The following PDE4D variants were observed in gnomAD, a reference collection of about 807,000 sequenced individuals.
PDE4D encodes the protein 3',5'-cyclic-AMP phosphodiesterase 4D.
Under a neutral mutation model 87.4 loss-of-function variants are expected in PDE4D, and 24 were observed. The observed-to-expected ratio is 0.27, with a 90% CI of 0.20 to 0.39. The LOEUF (loss-of-function observed/expected upper bound fraction) is 0.39, where lower values mean the gene tolerates loss of function less well. PDE4D is among the 10% of genes least tolerant of loss of function. The pLI is 1.00. For missense variants in PDE4D, 714 were observed against 1,041.0 expected (o/e 0.69, Z 4.32); for synonymous variants, 384 against 383.2 (o/e 1.00, Z -0.02).
intron 2 of PDE4D, among the ~76,000 whole-genome samples, chr5:60,116,545 C>A (rs1778186262): frequency 6.6e-6 from 1 of 151,942 alleles, no homozygotes; most frequent in Non-Finnish European, 1.5e-5. Flanking sequence ...ATTCTTAATT[C>A]TGTCAGCTTT....
At chr5:59,216,069 CAGGAA>C in intron 1 of PDE4D, 101 bp from the exon 2 acceptor site, 1 of 769,164 alleles carries the variant, frequency 1.3e-6, no homozygotes, top group Non-Finnish European at 2.1e-6. Context: ...GTGGAATTAG[CAGGAA>C]TGAAAATTAC....
At chr5:59,084,845 T>C (rs927696419) in intron 5 of PDE4D, among the ~76,000 whole-genome samples, 31 of 152,174 alleles carry the variant, frequency 2.0e-4, no homozygotes, top group Admixed American at 1.9e-3. Context: ...TTTAATATTC[T>C]TGAAGCTAAA....
intron 2 of PDE4D, among the ~76,000 whole-genome samples, chr5:60,067,980 CTTAAG>C (rs1461363316): frequency 2.0e-5 from 3 of 152,166 alleles, no homozygotes; most frequent in Non-Finnish European, 4.4e-5. Flanking sequence ...TCAATAGACA[CTTAAG>C]TTGTTTCTAA....
chr5:59,323,185 T>C (rs1775025752), intron 1 of PDE4D, among the ~76,000 whole-genome samples: 1 of 152,148 alleles, frequency 6.6e-6, no homozygotes, highest in East Asian at 1.9e-4. Context: ...CCCATCTGTC[T>C]AATCTTTTTA....
At chr5:60,303,898 A>G (rs1754181031) in intron 1 of PDE4D, 1 of 152,148 alleles carries the variant, frequency 6.6e-6, no homozygotes. Flanking sequence ...TGAGGTGTTA[A>G]AATCTTCTAC....
intron 1 of PDE4D, among the ~76,000 whole-genome samples, chr5:60,357,851 T>A (rs1420170675): frequency 6.6e-6 from 1 of 152,178 alleles, no homozygotes. Context: ...TCATACATCC[T>A]CAAATACTGA....
chr5:59,603,858 A>G, intron 1 of PDE4D, among the ~76,000 whole-genome samples: 1 of 152,032 alleles, frequency 6.6e-6, no homozygotes, highest in East Asian at 1.9e-4. Flanking sequence ...GATTCTAGTC[A>G]ATAACAATAT....
In PDE4D at chr5:60,432,234, T is replaced by G. The variant is rs142366035; in HGVS notation, c.-90+55708A>C. Among the ~76,000 whole-genome samples the G allele has an allele frequency of 5.3e-3, 812 of 152,312 alleles. 6 individuals are homozygous for G. Among genetic ancestry groups the G allele is most frequent in the African/African-American group, 0.019 (790 of 41,562 alleles). Reference sequence around the variant, plus strand: ...AAGTTTTTACGTTGTTGTTATGTCTTTGCTTTGTCTTTGCCAGGATGATGC... The same window carrying G: ...AAGTTTTTACGTTGTTGTTATGTCTGTGCTTTGTCTTTGCCAGGATGATGC... On this transcript the variant is annotated intron_variant, in intron 1 of 16. Coordinates refer to the PDE4D transcript ENST00000502484.
At chr5:59,769,708 T>C (rs1443371848) in intron 1 of PDE4D, among the ~76,000 whole-genome samples, 1 of 152,200 alleles carries the variant, frequency 6.6e-6, no homozygotes, top group Non-Finnish European at 1.5e-5. Context: ...AACCTTTGCA[T>C]AGGGAAGTTC....
chr5:59,070,499 A>T (rs1359199970), intron 5 of PDE4D, among the ~76,000 whole-genome samples: 2 of 152,138 alleles, frequency 1.3e-5, no homozygotes, highest in African/African-American at 4.8e-5. Flanking sequence ...TTGCTTATTG[A>T]TACTTCATAG....
intron 1 of PDE4D, among the ~76,000 whole-genome samples, chr5:59,666,715 G>A (rs1746133552): frequency 6.6e-6 from 1 of 152,152 alleles, no homozygotes; most frequent in African/African-American, 2.4e-5. Context: ...ATTGTAAAAG[G>A]TCCTAGCAAT....
intron 1 of PDE4D, among the ~76,000 whole-genome samples, chr5:59,297,008 G>C (rs1769233030): frequency 6.6e-6 from 1 of 152,050 alleles, no homozygotes; most frequent in Non-Finnish European, 1.5e-5. Context: ...ATCCAACACA[G>C]GGCTCACTGT....
chr5:60,044,712 G>A (rs369334048), intron 2 of PDE4D, among the ~76,000 whole-genome samples: 5 of 152,128 alleles, frequency 3.3e-5, no homozygotes, highest in South Asian at 2.1e-4. Flanking sequence ...TTTTATGGCC[G>A]CATAGTATTG....
At chr5:59,990,767 TA>T in intron 2 of PDE4D, among the ~76,000 whole-genome samples, 1 of 152,120 alleles carries the variant, frequency 6.6e-6, no homozygotes, top group East Asian at 1.9e-4. Context: ...TTTTACCCAT[TA>T]AAAAACCCAG....
intron 1 of PDE4D, among the ~76,000 whole-genome samples, chr5:60,236,180 G>T (rs549656105): frequency 1.3e-5 from 2 of 151,962 alleles, no homozygotes; most frequent in Admixed American, 1.3e-4. Context: ...CTTAGTGCTT[G>T]GTGATGAGTT....
chr5:59,066,429 G>A (rs1333972243), intron 5 of PDE4D, among the ~76,000 whole-genome samples: 1 of 152,080 alleles, frequency 6.6e-6, no homozygotes, highest in Admixed American at 6.6e-5. Context: ...AATAACATCA[G>A]CAAAGGTGCA....
At chr5:59,000,221 A>G (rs1265101991) in intron 6 of PDE4D, among the ~76,000 whole-genome samples, 1 of 152,216 alleles carries the variant, frequency 6.6e-6, no homozygotes, top group Non-Finnish European at 1.5e-5. Flanking sequence ...TTCGTAGTTC[A>G]TTCTTAAGAA....
Position 59,057,666 on chromosome 5 carries a change from C to A in PDE4D, c.809-18695G>T, listed in dbSNP as rs192637519. Among the ~76,000 whole-genome samples, 594 of 152,278 alleles carry A rather than the reference C, an allele frequency of 3.9e-3. 2 individuals are homozygous for A. Among genetic ancestry groups the A allele is most frequent in the Non-Finnish European group, 4.9e-3 (332 of 68,014 alleles). The stretch of plus-strand genomic sequence containing the variant: ...AGGAACAGTAATCCTGGAAAGCATT[C>A]TCAAATTATTTATCTAATTAAACAA... On this transcript the variant is annotated intron_variant, in intron 5 of 14. Transcript: ENST00000340635.
chr5:59,350,226 T>C (rs1780296742), intron 1 of PDE4D, among the ~76,000 whole-genome samples: 1 of 152,132 alleles, frequency 6.6e-6, no homozygotes, highest in East Asian at 1.9e-4. Context: ...TTATACACTC[T>C]CCTGTCTGCA....
Sources: gnomAD v4.1 joint callset for allele counts (sites outside exome capture counted in the v4.1 genomes callset) on GRCh38, gnomAD v4.1.1 for gene constraint, MANE v1.5 for transcripts, NCBI Gene and HGNC (gene_info 2026-07-23, HGNC 2026-07-21) for gene names.